The following MMS22L variants were observed in gnomAD, a reference collection of about 807,000 sequenced individuals.
MMS22L encodes protein MMS22-like.
In MMS22L, 74 loss-of-function variants were observed where a neutral mutation model predicts 159.1. That is an observed-to-expected ratio of 0.47 (90% CI 0.39 to 0.56). The LOEUF is 0.56. MMS22L is among the 20% of genes least tolerant of loss of function. The pLI is 0.00. For synonymous variants in MMS22L, 517 were observed against 506.9 expected (o/e 1.02, Z -0.27); for missense variants, 1,351 against 1,422.1 (o/e 0.95, Z 0.80).
At chr6:97,210,074 A>G (rs2127940759) in intron 14 of MMS22L, among the ~76,000 whole-genome samples, 1 of 152,070 alleles carries the variant, frequency 6.6e-6, no homozygotes, top group East Asian at 1.9e-4. Flanking sequence ...CTTCAGATGA[A>G]AGAAATAAAA....
At chr6:97,205,940 T>A (rs558350193) in intron 14 of MMS22L, among the ~76,000 whole-genome samples, 1 of 152,170 alleles carries the variant, frequency 6.6e-6, no homozygotes. Flanking sequence ...AACTCCACAA[T>A]AGGAAACTGC....
chr6:97,178,385 T>C, intron 18 of MMS22L, 58 bp downstream of exon 18: 1 of 1,320,650 alleles, frequency 7.6e-7, no homozygotes, highest in Non-Finnish European at 1.0e-6. Flanking sequence ...ATACTTCAGG[T>C]TTTTCTGAAA....
chr6:97,193,891 G>C (rs1234396734), intron 14 of MMS22L, among the ~76,000 whole-genome samples: 1 of 152,084 alleles, frequency 6.6e-6, no homozygotes, highest in African/African-American at 2.4e-5. Context: ...TTCTCGAGTA[G>C]CTGGGACTAC....
At chr6:97,221,354 T>C (rs1448872689) in intron 14 of MMS22L, among the ~76,000 whole-genome samples, 2 of 152,002 alleles carry the variant, frequency 1.3e-5, no homozygotes, top group Non-Finnish European at 2.9e-5. Flanking sequence ...TTCCTATGCG[T>C]GAAAAACTGA....
Position 97,228,893 on chromosome 6 carries a change from C to A in MMS22L, c.2039+1G>T. ...AATTAGCATACAACTGAAAACCATA[C>A]CTGATTCTGGCCAGAACAGCTTGTA... On this transcript the variant is annotated splice_donor_variant, in intron 14 of 24. Transcript: ENST00000683635. LOFTEE classifies it high-confidence loss of function. 6.2e-7 allele frequency: 1 copy of A among 1,603,770 alleles called. No homozygotes were observed. The highest frequency in any genetic ancestry group is 8.5e-7 in the Non-Finnish European group (1 of 1,174,814).
intron 16 of MMS22L, among the ~76,000 whole-genome samples, chr6:97,180,742 G>A (rs1289544268): frequency 6.6e-6 from 1 of 152,058 alleles, no homozygotes; most frequent in Non-Finnish European, 1.5e-5. Context: ...TAATATAAAT[G>A]TTCATTACTA....
intron 22 of MMS22L, among the ~76,000 whole-genome samples, chr6:97,161,137 T>A (rs938383169): frequency 7.9e-5 from 12 of 152,098 alleles, no homozygotes; most frequent in Admixed American, 7.2e-4. Flanking sequence ...TGTCCTGTAA[T>A]TTTTTGGTGA....
intron 4 of MMS22L, among the ~76,000 whole-genome samples, chr6:97,277,401 G>A (rs1042176956): frequency 2.6e-5 from 4 of 151,928 alleles, no homozygotes; most frequent in African/African-American, 9.7e-5. Flanking sequence ...GTGACAGAGC[G>A]AGACTCCATC....
Position 97,263,803 on chromosome 6 carries a change from G to C in MMS22L, c.829-355C>G, listed in dbSNP as rs1814766146. The C allele has an allele frequency of 2.6e-5, 4 of 155,244 alleles. No homozygotes were observed. The Admixed American group carries it at 2.6e-4, about 10-fold the overall frequency. 9.6% of individuals were successfully genotyped at this position (155,244 alleles called of 1,614,324 possible). A position where few individuals can be genotyped will look rare whatever the true frequency, so the allele number is the denominator to read the frequency against. ...GGCTCACTGCAAGCTCCGCCTCCCA[G>C]GTTCACGCCATTCTCCCGCCTCAGC... On this transcript the variant is annotated intron_variant, in intron 8 of 24. Coordinates refer to ENST00000683635, the MANE Select transcript of MMS22L (RefSeq NM_001350599.2).
chr6:97,254,904 G>A (rs1288339589), intron 9 of MMS22L, among the ~76,000 whole-genome samples, 171 bp from the exon 10 acceptor site: 1 of 152,058 alleles, frequency 6.6e-6, no homozygotes, highest in Non-Finnish European at 1.5e-5. Context: ...TAGTACTTTA[G>A]AAGTACCTTA....
At chr6:97,166,343 G>T (rs553349966) in intron 20 of MMS22L, among the ~76,000 whole-genome samples, 20 of 152,168 alleles carry the variant, frequency 1.3e-4, no homozygotes, top group African/African-American at 4.6e-4. Flanking sequence ...TTGGTACTTG[G>T]TGACTCACAA....
chr6:97,172,935 C>A, intron 19 of MMS22L, 128 bp downstream of exon 19: 1 of 823,934 alleles, frequency 1.2e-6, no homozygotes, highest in Non-Finnish European at 1.8e-6. Flanking sequence ...AGCTAAATCA[C>A]TGTATTTCAG....
At chr6:97,173,607 C>T (rs548656723) in intron 18 of MMS22L, among the ~76,000 whole-genome samples, 45 of 152,144 alleles carry the variant, frequency 3.0e-4, no homozygotes, top group African/African-American at 1.0e-3. Context: ...ATTCAAAATC[C>T]CCAAATTCCC....
intron 2 of MMS22L, 78 bp downstream of exon 2, chr6:97,282,236 A>T: frequency 6.9e-7 from 1 of 1,450,336 alleles, no homozygotes; most frequent in Non-Finnish European, 9.4e-7. Context: ...ACCAAAGTTT[A>T]ATGGGCTGAA....
At chr6:97,168,428 A>G (rs1181050882) in intron 19 of MMS22L, among the ~76,000 whole-genome samples, 188 bp from the exon 20 acceptor site, 1 of 152,160 alleles carries the variant, frequency 6.6e-6, no homozygotes, top group Non-Finnish European at 1.5e-5. Context: ...CAAATTTTTC[A>G]TAGAGTTTTG....
chr6:97,160,217 T>C (rs983406711), intron 22 of MMS22L, among the ~76,000 whole-genome samples: 2 of 152,066 alleles, frequency 1.3e-5, no homozygotes, highest in Non-Finnish European at 2.9e-5. Context: ...GTGTGTTATG[T>C]GGATCCAAAT....
chr6:97,245,137 A>C (rs922452359), intron 11 of MMS22L, among the ~76,000 whole-genome samples: 1 of 151,942 alleles, frequency 6.6e-6, no homozygotes, highest in African/African-American at 2.4e-5. Flanking sequence ...ATATATATTT[A>C]TCCATATAAA....
At chr6:97,195,540 A>G (rs1219706122) in intron 14 of MMS22L, among the ~76,000 whole-genome samples, 2 of 152,236 alleles carry the variant, frequency 1.3e-5, no homozygotes, top group East Asian at 1.9e-4. Context: ...TTAAGAATAC[A>G]AATGGTGTTC....
At chr6:97,208,648 T>G (rs1441224600) in intron 14 of MMS22L, among the ~76,000 whole-genome samples, 1 of 151,916 alleles carries the variant, frequency 6.6e-6, no homozygotes, top group African/African-American at 2.4e-5. Flanking sequence ...AGCAGACGGA[T>G]TAAGGGAAAG....
Sources: gnomAD v4.1 joint callset for allele counts (sites outside exome capture counted in the v4.1 genomes callset) on GRCh38, gnomAD v4.1.1 for gene constraint, MANE v1.5 for transcripts, NCBI Gene and HGNC (gene_info 2026-07-23, HGNC 2026-07-21) for gene names.